EYA1: variants seen among roughly 807,000 people sequenced by gnomAD.
EYA1 encodes the protein protein phosphatase EYA1.
EYA1 carries 16 observed loss-of-function variants against 82.0 expected under a neutral mutation model. The observed-to-expected ratio is 0.20, with a 90% confidence interval of 0.13 to 0.30. The LOEUF (loss-of-function observed/expected upper bound fraction) is 0.30. Ranked by LOEUF, EYA1 falls within the 10% of genes least tolerant of loss-of-function variation. EYA1 has a pLI of 1.00. For synonymous variants in EYA1, 261 were observed against 264.4 expected (o/e 0.99, Z 0.12); for missense variants, 633 against 730.7 (o/e 0.87, Z 1.54).
At chr8:71,394,292 T>G (rs1829454252) in intron 2 of EYA1, among the ~76,000 whole-genome samples, 2 of 152,230 alleles carry the variant, frequency 1.3e-5, no homozygotes, top group African/African-American at 4.8e-5. Flanking sequence ...GCTCTTTAGT[T>G]TAAATAGATC....
At chr8:71,470,549 C>T (rs968524741) in intron 2 of EYA1, among the ~76,000 whole-genome samples, 1 of 151,980 alleles carries the variant, frequency 6.6e-6, no homozygotes, top group Non-Finnish European at 1.5e-5. Context: ...TTTGCACCAA[C>T]CTAATAGAAG....
intron 9 of EYA1, among the ~76,000 whole-genome samples, chr8:71,272,510 T>A (rs1816668008): frequency 6.6e-6 from 1 of 152,222 alleles, no homozygotes; most frequent in South Asian, 2.1e-4. Flanking sequence ...TCGGTCCTAG[T>A]CCCTTTGAAC....
At chr8:71,394,872 T>A (rs894985916) in intron 2 of EYA1, among the ~76,000 whole-genome samples, 6 of 152,188 alleles carry the variant, frequency 3.9e-5, no homozygotes, top group African/African-American at 1.4e-4. Flanking sequence ...AATCTATAAA[T>A]TACCTTGGGC....
chr8:71,287,851 T>C (rs1818555368), intron 9 of EYA1, among the ~76,000 whole-genome samples: 2 of 152,206 alleles, frequency 1.3e-5, no homozygotes, highest in South Asian at 4.1e-4. Context: ...GAAATGGACA[T>C]TTGAGGGCCT....
At position 71,361,904 on chromosome 8, in the gene EYA1, C is replaced by A; in HGVS notation, c.-312G>T. 2.0e-6 allele frequency: 2 copies of A among 985,438 alleles called. No individual in the cohort carries two copies. Among genetic ancestry groups the A allele is most frequent in the Non-Finnish European group, 2.4e-6 (2 of 829,970 alleles). The allele number at this position is 985,438 out of a possible 1,614,324, so 61.0% of individuals were successfully genotyped here. ...CGAAAACGTGTTCCCCAGGAAGAAA[C>A]CCGCCACAGTGGACGGCAACAGGAA... is the stretch of plus-strand genomic sequence containing the variant. On this transcript the variant is annotated 5_prime_UTR_variant, in exon 1 of 18. Transcript: ENST00000340726.
intron 2 of EYA1, among the ~76,000 whole-genome samples, chr8:71,355,622 T>C (rs1462027867): frequency 6.6e-6 from 1 of 152,188 alleles, no homozygotes; most frequent in Non-Finnish European, 1.5e-5. Context: ...CAACATACAG[T>C]GGGTCCCTGC....
intron 4 of EYA1, 132 bp from the exon 5 acceptor site, chr8:71,322,400 C>T (rs532968802): frequency 2.7e-6 from 2 of 753,476 alleles, no homozygotes; most frequent in South Asian, 1.5e-5. Context: ...TTGTGACCTG[C>T]GGAGATGGAA....
intron 1 of EYA1, among the ~76,000 whole-genome samples, chr8:71,357,978 T>C (rs1034938170): frequency 1.3e-5 from 2 of 152,058 alleles, no homozygotes; most frequent in Non-Finnish European, 2.9e-5. Context: ...TTTTTCTTTT[T>C]TTTTTTTCTC....
intron 2 of EYA1, among the ~76,000 whole-genome samples, chr8:71,394,071 G>A (rs1054806343): frequency 6.6e-6 from 1 of 152,128 alleles, no homozygotes; most frequent in Admixed American, 6.5e-5. Flanking sequence ...AGTGTCTGTT[G>A]GCTGCATAAA....
chr8:71,530,340 A>G, intron 2 of EYA1, among the ~76,000 whole-genome samples: 1 of 152,180 alleles, frequency 6.6e-6, no homozygotes, highest in East Asian at 1.9e-4. Flanking sequence ...CCCTGCTAAC[A>G]TGTTGAATTT....
intron 2 of EYA1, among the ~76,000 whole-genome samples, chr8:71,467,390 CCTT>C (rs1408435739): frequency 2.0e-5 from 3 of 152,150 alleles, no homozygotes; most frequent in Middle Eastern, 3.4e-3. Context: ...AAGTCAATAT[CCTT>C]CTTTTGTGGT....
intron 3 of EYA1, among the ~76,000 whole-genome samples, chr8:71,341,436 G>A (rs917235786): frequency 7.2e-5 from 11 of 152,062 alleles, no homozygotes; most frequent in African/African-American, 2.7e-4. Context: ...TTTAAAAAGG[G>A]GCAGCAAGGG....
chr8:71,494,823 T>C (rs1348714898), intron 2 of EYA1, among the ~76,000 whole-genome samples: 1 of 152,112 alleles, frequency 6.6e-6, no homozygotes, highest in East Asian at 1.9e-4. Flanking sequence ...GAGAAACATA[T>C]TTGTGAATAT....
chr8:71,277,481 C>G (rs1013893936), intron 9 of EYA1, among the ~76,000 whole-genome samples: 7 of 152,232 alleles, frequency 4.6e-5, no homozygotes, highest in Admixed American at 3.9e-4. Context: ...TCCTTACCCT[C>G]TCCGCTGTCT....
chr8:71,547,646 C>T (rs1382802974), intron 1 of EYA1: 2 of 151,816 alleles, frequency 1.3e-5, no homozygotes, highest in Non-Finnish European at 2.9e-5. Flanking sequence ...GGGGTGGGGC[C>T]CAGGGGCATC....
intron 12 of EYA1, among the ~76,000 whole-genome samples, chr8:71,217,792 T>C (rs1809404845): frequency 6.6e-6 from 1 of 152,234 alleles, no homozygotes; most frequent in Non-Finnish European, 1.5e-5. Context: ...ATCTTATTTT[T>C]AAATCCCAAA....
intron 12 of EYA1, among the ~76,000 whole-genome samples, chr8:71,219,049 C>T (rs527730376): frequency 2.6e-5 from 4 of 152,270 alleles, no homozygotes; most frequent in South Asian, 2.1e-4. Context: ...TTTTCTGAAG[C>T]GAATTTAGCT....
At chr8:71,369,160 A>T (rs10097030) in intron 2 of EYA1, among the ~76,000 whole-genome samples, 1 of 148,620 alleles carries the variant, frequency 6.7e-6, no homozygotes. Flanking sequence ...CCCAGATCAC[A>T]TCACTGCTCT....
At chr8:71,450,490 G>C (rs1341264704) in intron 2 of EYA1, among the ~76,000 whole-genome samples, 3 of 152,170 alleles carry the variant, frequency 2.0e-5, no homozygotes, top group African/African-American at 7.2e-5. Flanking sequence ...TCTTATATGG[G>C]CATGGTTTGT....
Sources: gnomAD v4.1 joint callset for allele counts (sites outside exome capture counted in the v4.1 genomes callset) on GRCh38, gnomAD v4.1.1 for gene constraint, MANE v1.5 for transcripts, NCBI Gene and HGNC (gene_info 2026-07-23, HGNC 2026-07-21) for gene names.